IDUA: variants seen among roughly 807,000 people sequenced by gnomAD.
IDUA encodes iduronidase alpha-L-.
In IDUA, 65 loss-of-function variants were observed where a neutral mutation model predicts 68.9. That is an observed-to-expected ratio of 0.94 (90% CI 0.77 to 1.16). The LOEUF (loss-of-function observed/expected upper bound fraction) is 1.16, where lower values mean the gene tolerates loss of function less well. Among genes scored for constraint, IDUA ranks in the 50% most tolerant of loss-of-function variants. The pLI, the probability that IDUA is intolerant of heterozygous loss-of-function variation, is 0.00. For missense variants in IDUA, 1,046 were observed against 938.0 expected (o/e 1.12, Z -1.50); for synonymous variants, 529 against 433.6 (o/e 1.22, Z -2.73).
chr4:1,004,388 C>G lies in IDUA; in HGVS notation c.1957C>G (p.Pro653Ala). 1 of 1,610,460 alleles carries G rather than the reference C, an allele frequency of 6.2e-7. No individual in the cohort carries two copies. The highest frequency in any genetic ancestry group is 8.5e-7 in the Non-Finnish European group (1 of 1,179,978). ...VPRGPPSPGN[P>A] ...AAGAGGGCCCCCATCCCCGGGCAAT[C>G]CATGAGCCTGTGCTGAGCCCCAGTG... Residue 653 changes from proline (P) to alanine (A), a missense_variant, in exon 14 of 14, where the codon CCA becomes GCA. Coordinates refer to ENST00000514224, the MANE Select transcript of IDUA (RefSeq NM_000203.5). The surrounding 1 kb of genome is among the most constrained non-coding windows in gnomAD (Gnocchi z 5.0).
Position 987,630 on chromosome 4 carries a change from TC to T in IDUA, c.159-175del, listed in dbSNP as rs1048541389. The stretch of plus-strand genomic sequence containing the variant: ...CCCCTCGTCTTACTGCTGCTGCCGT[TC>T]CCCATGAAGATGGGACCTCCCCACA... On this transcript the variant is annotated intron_variant, in intron 1 of 13. Transcript: ENST00000514224. 1.3e-5 allele frequency: 19 copies of T among 1,444,162 alleles called. No individual in the cohort carries two copies. In the African/African-American group the frequency reaches 2.1e-4, roughly 16 times the overall value. The allele number at this position is 1,444,162 out of a possible 1,614,324, so 89.5% of individuals were successfully genotyped here.
intron 4 of IDUA, chr4:1,001,226 G>T: frequency 1.6e-6 from 1 of 618,978 alleles, no homozygotes; most frequent in Non-Finnish European, 2.9e-6. Flanking sequence ...CCCCTGGGGT[G>T]GGGGGTACTC....
At chr4:992,382 GCCT>G in intron 2 of IDUA, among the ~76,000 whole-genome samples, 1 of 152,336 alleles carries the variant, frequency 6.6e-6, no homozygotes, top group East Asian at 1.9e-4. Flanking sequence ...TCAGGAAGAG[GCCT>G]CCTATGTCCC....
chr4:1,002,667 G>T, intron 8 of IDUA, 65 bp from the exon 9 acceptor site: 1 of 1,264,788 alleles, frequency 7.9e-7, no homozygotes, highest in South Asian at 1.4e-5. Context: ...TGGGAGGCCC[G>T]GCCCTGGGTC....
chr4:987,887 C>G lies in IDUA; in HGVS notation c.237C>G (p.Ala79=), dbSNP rs769676234. 2 of 1,610,830 alleles carry G rather than the reference C, an allele frequency of 1.2e-6. No homozygotes were observed. Among genetic ancestry groups the G allele is most frequent in the Admixed American group, 3.3e-5 (2 of 59,802 alleles). The change falls in exon 2 of 14, where the codon GCC becomes GCG. Residue 79 remains alanine (A), a synonymous_variant. Transcript: ENST00000514224. The stretch of plus-strand genomic sequence containing the variant: ...AGCTCAACCTCGCCTATGTGGGCGC[C>G]GTCCCTCACCGCGGCATCAAGCAGG... ...DQQLNLAYVG[A]VPHRGIKQVR...
At chr4:998,503 C>T (rs1714877499) in intron 2 of IDUA, among the ~76,000 whole-genome samples, 1 of 152,190 alleles carries the variant, frequency 6.6e-6, no homozygotes, top group African/African-American at 2.4e-5. Context: ...CTGTGCTCAC[C>T]TGCGTGGCGT....
intron 2 of IDUA, among the ~76,000 whole-genome samples, chr4:997,497 G>A (rs1714809603): frequency 6.6e-6 from 1 of 151,436 alleles, no homozygotes; most frequent in Non-Finnish European, 1.5e-5. Context: ...GCCCAGGGGC[G>A]GGGACGTGGG....
In IDUA at chr4:1,004,300, G is replaced by A; in HGVS notation, c.1869G>A (p.Leu623=). Residue 623 remains leucine, a synonymous_variant, in exon 14 of 14, where the codon CTG becomes CTA. Transcript: ENST00000514224. This position sits in a 1 kb window ranked among gnomAD's most constrained non-coding sequence, Gnocchi z 5.0. ...AVSGSYRVRA[L]DYWARPGPFS... is the part of the protein sequence containing the mutation. Reference sequence around the variant, plus strand: ...CTGGCTCCTACCGAGTTCGAGCCCTGGACTACTGGGCCCGACCAGGCCCCT... The same window carrying A: ...CTGGCTCCTACCGAGTTCGAGCCCTAGACTACTGGGCCCGACCAGGCCCCT... The A allele has an allele frequency of 6.2e-7, 1 of 1,611,258 alleles. No individual in the cohort carries two copies. Among genetic ancestry groups the A allele is most frequent in the Non-Finnish European group, 8.5e-7 (1 of 1,179,944 alleles).
In IDUA at chr4:987,210, C is replaced by A; in HGVS notation, c.126C>A (p.Pro42=). 6.7e-7 allele frequency: 1 copy of A among 1,492,372 alleles called. No homozygotes were observed. Among genetic ancestry groups the A allele is most frequent in the South Asian group, 1.3e-5 (1 of 79,710 alleles). The allele number at this position is 1,492,372 out of a possible 1,614,324, so 92.4% of individuals were successfully genotyped here. Residue 42 remains proline, a synonymous_variant, in exon 1 of 14, where the codon CCC becomes CCA. Transcript: ENST00000514224. ...TGGACGCGGCCCGCGCGCTGTGGCC[C>A]CTGCGGCGCTTCTGGAGGAGCACAG... ...VHVDAARALW[P]LRRFWRSTGF...
intron 2 of IDUA, among the ~76,000 whole-genome samples, chr4:997,921 G>A (rs542718206): frequency 6.6e-6 from 1 of 152,202 alleles, no homozygotes; most frequent in Non-Finnish European, 1.5e-5. Flanking sequence ...CCCCCGCTAG[G>A]GTCAGGGGCT....
At chr4:988,122 G>C (rs369516569) in intron 2 of IDUA, 173 bp downstream of exon 2, 6 of 1,418,558 alleles carry the variant, frequency 4.2e-6, no homozygotes, top group Non-Finnish European at 2.8e-6. Context: ...GTGTGCTGGA[G>C]GGAGCCCCTG....
intron 3 of IDUA, 46 bp downstream of exon 3, chr4:1,000,743 C>T (rs761965239): frequency 1.3e-6 from 2 of 1,512,502 alleles, no homozygotes; most frequent in East Asian, 2.3e-5. Flanking sequence ...ACCCCCTTGC[C>T]CTGCCCACCC....
intron 2 of IDUA, chr4:988,231 T>C: frequency 1.5e-6 from 2 of 1,297,410 alleles, no homozygotes; most frequent in Non-Finnish European, 2.0e-6. Context: ...CCTGTGTGTG[T>C]CTGCTGGCCA....
rs189948598 is a variant in IDUA at position 990,488 on chromosome 4, C to T, written c.299+2539C>T. 7.4e-3 allele frequency: 7,119 copies of T among 955,696 alleles called. 27 individuals are homozygous for T. The highest frequency in any genetic ancestry group is 9.7e-3 in the Non-Finnish European group (6,409 of 658,702). 59.2% of individuals were successfully genotyped at this position (955,696 alleles called of 1,614,324 possible). On this transcript the variant is annotated intron_variant, in intron 2 of 13. Transcript: ENST00000514224. The stretch of plus-strand genomic sequence containing the variant: ...ACCTGACAATTCTGTGTTGCGGCCC[C>T]GTGTGTTCCAAACCAGACTCCTCAC...
intron 2 of IDUA, chr4:988,387 AAC>A (rs1331352165): frequency 4.8e-5 from 51 of 1,053,262 alleles, no homozygotes; most frequent in Non-Finnish European, 5.6e-5. Context: ...GCCTTCTGGA[AAC>A]ACAGAGACCC....
chr4:992,404 T>A (rs2153018864), intron 2 of IDUA, among the ~76,000 whole-genome samples: 1 of 152,320 alleles, frequency 6.6e-6, no homozygotes, highest in African/African-American at 2.4e-5. Flanking sequence ...CCTGCCAAGC[T>A]TTGTGGGTAC....
At chr4:997,451 C>A (rs1012992010) in intron 2 of IDUA, among the ~76,000 whole-genome samples, 2 of 151,436 alleles carry the variant, frequency 1.3e-5, no homozygotes. Flanking sequence ...TCACCAGGCC[C>A]GGCAGCCGCG....
rs988084549 is a variant in IDUA at position 990,525 on chromosome 4, T to A, written c.299+2576T>A. The stretch of plus-strand genomic sequence containing the variant: ...ACCAGACTCCTCACACGGGCCTGAG[T>A]TCTGGTTCCACGCGTGCTCATGCCC... On this transcript the variant is annotated intron_variant, in intron 2 of 13. Transcript: ENST00000514224. 4.3e-6 allele frequency: 3 copies of A among 692,210 alleles called. No homozygotes were observed. In the African/African-American group the frequency reaches 5.4e-5, roughly 12 times the overall value. 42.9% of individuals were successfully genotyped at this position (692,210 alleles called of 1,614,324 possible). A position where few individuals can be genotyped will look rare whatever the true frequency, so the allele number is the denominator to read the frequency against.
chr4:994,707 G>A (rs1714635069), intron 2 of IDUA, among the ~76,000 whole-genome samples: 1 of 152,070 alleles, frequency 6.6e-6, no homozygotes, highest in Non-Finnish European at 1.5e-5. Flanking sequence ...AAAGTGCTGG[G>A]ATTACAGGCT....
Sources: gnomAD v4.1 joint callset for allele counts (sites outside exome capture counted in the v4.1 genomes callset) on GRCh38, gnomAD v4.1.1 for gene constraint, Gnocchi (gnomAD v3.1) non-coding constraint, MANE v1.5 for transcripts, NCBI Gene and HGNC (gene_info 2026-07-23, HGNC 2026-07-21) for gene names.